SASS6: variants seen among roughly 807,000 people sequenced by gnomAD.
SASS6 encodes the protein spindle assembly abnormal protein 6 homolog.
A neutral mutation model predicts 94.9 loss-of-function variants in SASS6; 59 were observed. The ratio of observed to expected loss-of-function variants is 0.62; its 90% CI spans 0.50 to 0.77. The LOEUF (loss-of-function observed/expected upper bound fraction) is 0.77, where lower values mean the gene tolerates loss of function less well. SASS6 is among the 30% of genes least tolerant of loss of function. The pLI is 0.00. For missense variants in SASS6, 698 were observed against 734.1 expected (o/e 0.95, Z 0.57); for synonymous variants, 264 against 270.0 (o/e 0.98, Z 0.22).
chr1:100,130,051 C>T (rs1654885613), intron 1 of SASS6, among the ~76,000 whole-genome samples: 1 of 152,158 alleles, frequency 6.6e-6, no homozygotes, highest in Non-Finnish European at 1.5e-5. Flanking sequence ...GAAGTAGGTA[C>T]TGTTATTACC....
intron 1 of SASS6, among the ~76,000 whole-genome samples, chr1:100,130,920 A>C (rs1031819154): frequency 2.0e-5 from 3 of 152,230 alleles, no homozygotes; most frequent in Non-Finnish European, 4.4e-5. Context: ...TTACGAAAAC[A>C]GTGAGCCAAC....
rs1652989152 is a variant in SASS6, at chr1:100,107,382, C to T, written c.1318G>A (p.Glu440Lys). The change falls in exon 11 of 17, where the codon GAG (glutamate) becomes AAG (lysine). Residue 440 changes from glutamate to lysine, a missense_variant. Glu to Lys is a moderately conservative substitution (Grantham distance 56). Coordinates refer to ENST00000287482, the MANE Select transcript of SASS6 (RefSeq NM_194292.3). The stretch of plus-strand genomic sequence containing the variant: ...TTTAAAATATTAACTACCTCTTGCT[C>T]TTTAATTCGAAGAGACTGTCCAACA... ...QDVGQSLRIK[E>K]QEVCKLQEQL... 6.3e-7 allele frequency: 1 copy of T among 1,585,514 alleles called. No individual in the cohort carries two copies. Among genetic ancestry groups the T allele is most frequent in the Non-Finnish European group, 8.6e-7 (1 of 1,165,022 alleles).
In SASS6 at chr1:100,088,116, A is replaced by G. The variant is rs770373477; in HGVS notation, c.1772+23T>C. ...TGGCCTTCAAAATTGCAAACATTAA[A>G]TTTTATGTCATTAAGCACTTACTTT... On this transcript the variant is annotated intron_variant, in intron 15 of 16. Transcript: ENST00000287482. The G allele has an allele frequency of 4.4e-6, 6 of 1,354,964 alleles. No individual in the cohort carries two copies. In the Admixed American group the frequency reaches 1.0e-4, roughly 23 times the overall value. 83.9% of individuals were successfully genotyped at this position (1,354,964 alleles called of 1,614,324 possible). A position where few individuals can be genotyped will look rare whatever the true frequency, so the allele number is the denominator to read the frequency against.
intron 15 of SASS6, among the ~76,000 whole-genome samples, chr1:100,086,410 G>A (rs1651269943): frequency 6.6e-6 from 1 of 151,576 alleles, no homozygotes; most frequent in Non-Finnish European, 1.5e-5. Context: ...CAAAATCACT[G>A]AACAGTCCTA....
intron 14 of SASS6, among the ~76,000 whole-genome samples, chr1:100,100,985 A>G (rs1392544273): frequency 6.6e-6 from 1 of 152,172 alleles, no homozygotes; most frequent in Non-Finnish European, 1.5e-5. Flanking sequence ...ATTTTTGAAT[A>G]TATTTTATTA....
chr1:100,083,792 G>GTA lies in SASS6; in HGVS notation c.*1534_*1535dup, dbSNP rs1324180266. 1 of 151,846 alleles carries GTA rather than the reference G, an allele frequency of 6.6e-6. No individual in the cohort carries two copies. Among genetic ancestry groups the GTA allele is most frequent in the Admixed American group, 6.6e-5 (1 of 15,250 alleles). The allele number at this position is 151,846 out of a possible 1,614,324, so 9.4% of individuals were successfully genotyped here. ...CTCCTGAAAATTCAACTTTCCTTGT[G>GTA]TATATATATGCAAAGAGATACCTAT... On this transcript the variant is annotated 3_prime_UTR_variant, in exon 17 of 17. Coordinates refer to ENST00000287482, the MANE Select transcript of SASS6 (RefSeq NM_194292.3).
chr1:100,106,299 T>C (rs1308537223), intron 12 of SASS6, among the ~76,000 whole-genome samples: 1 of 152,142 alleles, frequency 6.6e-6, no homozygotes, highest in Non-Finnish European at 1.5e-5. Flanking sequence ...TATTATTAGG[T>C]AAACACAGCT....
chr1:100,108,436 T>C (rs1653071062), intron 8 of SASS6, among the ~76,000 whole-genome samples: 1 of 152,132 alleles, frequency 6.6e-6, no homozygotes, highest in African/African-American at 2.4e-5. Flanking sequence ...CTTCACGTAT[T>C]ACAAATATCT....
chr1:100,088,086 T>G (rs1021822282), intron 15 of SASS6, 53 bp downstream of exon 15: 2 of 932,986 alleles, frequency 2.1e-6, no homozygotes, highest in Admixed American at 3.5e-5. Flanking sequence ...AAAAATTCTG[T>G]AAGATGGCCT....
chr1:100,124,752 G>A (rs1262874009), intron 2 of SASS6, among the ~76,000 whole-genome samples: 1 of 152,174 alleles, frequency 6.6e-6, no homozygotes, highest in Non-Finnish European at 1.5e-5. Flanking sequence ...CAGTTTTGTA[G>A]AAGACATTTT....
chr1:100,111,504 G>T (rs1349468130), intron 7 of SASS6, among the ~76,000 whole-genome samples: 1 of 151,930 alleles, frequency 6.6e-6, no homozygotes, highest in Non-Finnish European at 1.5e-5. Context: ...ATAAAATGAT[G>T]ATTTTTTTTG....
intron 1 of SASS6, among the ~76,000 whole-genome samples, chr1:100,130,656 T>A: frequency 7.2e-6 from 1 of 139,792 alleles, no homozygotes; most frequent in Admixed American, 7.6e-5. Context: ...GCTACAATAC[T>A]CCAGTCTGGG....
chr1:100,085,437 G>T lies in SASS6; in HGVS notation c.1868-3C>A. ...TAAAGTGCCATCTCTCTGATGGTCT[G>T]CAAATGAGGACAAAAAAAGGTTACT... On this transcript the variant is annotated splice_region_variant and splice_polypyrimidine_tract_variant and intron_variant, in intron 16 of 16. Transcript: ENST00000287482. 6.3e-7 allele frequency: 1 copy of T among 1,599,060 alleles called. No individual in the cohort carries two copies. Among genetic ancestry groups the T allele is most frequent in the Non-Finnish European group, 8.6e-7 (1 of 1,166,384 alleles).
At chr1:100,086,110 CTG>C (rs1047213291) in intron 15 of SASS6, among the ~76,000 whole-genome samples, 4 of 139,580 alleles carry the variant, frequency 2.9e-5, no homozygotes, top group Non-Finnish European at 6.4e-5. Context: ...ATGAGAAAAT[CTG>C]GGGGAGAAAG....
chr1:100,085,511 C>G, intron 16 of SASS6, 25 bp downstream of exon 16: 4 of 1,594,360 alleles, frequency 2.5e-6, no homozygotes, highest in Non-Finnish European at 3.4e-6. Context: ...CTATAAAGTA[C>G]AAAAATCCAG....
Position 100,103,010 on chromosome 1 carries a change from GTAT to G in SASS6, c.1616_1618del (p.Asn539del), listed in dbSNP as rs1460807068. ...TTTGGCAGATATCGAATGAGGGAAGGTATTCTGGAATGCAAATGCAGAGGAGAC... is the reference window on the plus strand; with the variant it reads ...TTTGGCAGATATCGAATGAGGGAAGGTCTGGAATGCAAATGCAGAGGAGAC... On this transcript the variant is annotated inframe_deletion, in exon 14 of 17. Coordinates refer to ENST00000287482, the MANE Select transcript of SASS6 (RefSeq NM_194292.3). 1 of 1,610,104 alleles carries G rather than the reference GTAT, an allele frequency of 6.2e-7. No individual in the cohort carries two copies. The highest frequency in any genetic ancestry group is 8.5e-7 in the Non-Finnish European group (1 of 1,176,626).
chr1:100,098,300 G>A (rs1040618475), intron 14 of SASS6, among the ~76,000 whole-genome samples: 4 of 151,818 alleles, frequency 2.6e-5, no homozygotes, highest in Non-Finnish European at 4.4e-5. Flanking sequence ...GCACAATGGT[G>A]CATGCCTGTA....
intron 7 of SASS6, among the ~76,000 whole-genome samples, chr1:100,117,091 C>A (rs1046376181): frequency 2.0e-5 from 3 of 151,106 alleles, no homozygotes; most frequent in Non-Finnish European, 2.9e-5. Context: ...GTCAGGAGTT[C>A]GAGACCATCC....
At chr1:100,108,708 T>C (rs181612159) in intron 8 of SASS6, among the ~76,000 whole-genome samples, 1 of 152,104 alleles carries the variant, frequency 6.6e-6, no homozygotes, top group African/African-American at 2.4e-5. Flanking sequence ...CAAACTTTAG[T>C]ATCAAACAAA....
Sources: allele counts gnomAD v4.1 joint callset (sites outside exome capture counted in the v4.1 genomes callset), GRCh38; gene constraint gnomAD v4.1.1; transcripts MANE v1.5; gene names NCBI Gene and HGNC (gene_info 2026-07-23, HGNC 2026-07-21).